Variants in JAG2 observed in about 807,000 individuals in gnomAD.
JAG2 encodes protein jagged-2.
Under a neutral mutation model 141.7 loss-of-function variants are expected in JAG2, and 46 were observed. The observed-to-expected ratio is 0.32, with a 90% CI of 0.26 to 0.42. JAG2 has a LOEUF of 0.42. Among genes scored for constraint, JAG2 ranks in the 10% least tolerant of loss-of-function variants. JAG2 has a pLI of 1.00. For synonymous variants in JAG2, 862 were observed against 763.5 expected (o/e 1.13, Z -2.13); for missense variants, 1,500 against 1,817.5 (o/e 0.83, Z 3.18).
Position 105,142,808 on chromosome 14 carries a change from T to C in JAG2, c.3604A>G (p.Thr1202Ala). Reference sequence around the variant, plus strand: ...CCCGGCGAGCGGCCAGGATCTTTGGTGAATTTGTGTGAGAGGAACTTCTCC... The same window carrying C: ...CCCGGCGAGCGGCCAGGATCTTTGGCGAATTTGTGTGAGAGGAACTTCTCC... Reference protein sequence around the residue: ...EAEKFLSHKFTKDPGRSPGRP... With the variant: ...EAEKFLSHKFAKDPGRSPGRP... Residue 1202 changes from threonine (T) to alanine (A), a missense_variant, in exon 26 of 26, where the codon ACC becomes GCC. By Grantham distance (58) the Thr-to-Ala change is moderately conservative (BLOSUM62 0). Transcript: ENST00000331782. 1 of 1,610,692 alleles carries C rather than the reference T, an allele frequency of 6.2e-7. No homozygotes were observed.
At position 105,145,758 on chromosome 14, in the gene JAG2, C is replaced by T; in HGVS notation, c.2925G>A (p.Leu975=). ...HLDNNCARLT[L]HFNRDHVPQG... is the part of the protein sequence containing the mutation. Reference sequence around the variant, plus strand: ...GGGGCACGTGGTCACGGTTGAAATGCAAGGTGAGGCGGGCACAGTTATTGT... The same window carrying T: ...GGGGCACGTGGTCACGGTTGAAATGTAAGGTGAGGCGGGCACAGTTATTGT... Residue 975 remains leucine, a synonymous_variant, in exon 23 of 26, where the codon TTG becomes TTA. Coordinates refer to ENST00000331782, the MANE Select transcript of JAG2 (RefSeq NM_002226.5). 6.3e-7 allele frequency: 1 copy of T among 1,597,024 alleles called. No individual in the cohort carries two copies. Among genetic ancestry groups the T allele is most frequent in the Non-Finnish European group, 8.5e-7 (1 of 1,172,434 alleles).
intron 5 of JAG2, among the ~76,000 whole-genome samples, chr14:105,153,438 C>T (rs1242943684): frequency 2.0e-5 from 3 of 152,232 alleles, no homozygotes; most frequent in Non-Finnish European, 4.4e-5. Flanking sequence ...GGGTCATCGG[C>T]CAGAGAGCGG....
At chr14:105,158,494 C>T (rs1368463568) in intron 2 of JAG2, among the ~76,000 whole-genome samples, 1 of 152,146 alleles carries the variant, frequency 6.6e-6, no homozygotes, top group African/African-American at 2.4e-5. Flanking sequence ...GGCCCTTGTA[C>T]CCCAGCCATG....
At position 105,147,824 on chromosome 14, in the gene JAG2, G is replaced by A; in HGVS notation, c.2313C>T (p.Ala771=). ...CGTCCCGGCAGATGCAGGAGAAGGAGGCCCCGCTGCCCACGCAGGTGCCAC... is the reference window on the plus strand; with the variant it reads ...CGTCCCGGCAGATGCAGGAGAAGGAAGCCCCGCTGCCCACGCAGGTGCCAC... ...VNGGTCVGSG[A]SFSCICRDGW... is the part of the protein sequence containing the mutation. The change falls in exon 18 of 26, where the codon GCC becomes GCT. Residue 771 remains alanine, a synonymous_variant. Transcript: ENST00000331782. 2 of 1,550,270 alleles carry A rather than the reference G, an allele frequency of 1.3e-6. No individual in the cohort carries two copies. The highest frequency in any genetic ancestry group is 1.7e-6 in the Non-Finnish European group (2 of 1,147,802).
At position 105,148,789 on chromosome 14, in the gene JAG2, C is replaced by T. The variant is rs747635489; in HGVS notation, c.1976G>A (p.Arg659His). The T allele has an allele frequency of 3.6e-5, 58 of 1,593,824 alleles. No homozygotes were observed. Among genetic ancestry groups the T allele is most frequent in the South Asian group, 1.9e-4 (17 of 88,120 alleles). Residue 659 changes from arginine (R) to histidine (H), a missense_variant, in exon 15 of 26, where the codon CGC (arginine) becomes CAC (histidine). Around this residue, in one of 3 missense-constraint regions of JAG2, gnomAD observed 875 missense variants for 1,202.2 expected, o/e 0.73. Coordinates refer to ENST00000331782, the MANE Select transcript of JAG2 (RefSeq NM_002226.5). Reference protein sequence around the residue: ...GTCIDEVDAFRCFCPSGWEGE... With the variant: ...GTCIDEVDAFHCFCPSGWEGE... The stretch of plus-strand genomic sequence containing the variant: ...CTCCCAGCCGCTGGGGCAGAAGCAG[C>T]GGAAGGCGTCCACCTCATCGATGCA...
intron 2 of JAG2, among the ~76,000 whole-genome samples, chr14:105,161,157 C>G (rs1414086372): frequency 1.1e-5 from 1 of 93,096 alleles, no homozygotes; most frequent in African/African-American, 4.4e-5. Context: ...TGTTGGGGGT[C>G]TGAGTGAGGT....
At position 105,154,498 on chromosome 14, in the gene JAG2, C is replaced by T. The variant is rs1888524006; in HGVS notation, c.788+1064G>A. Among the ~76,000 whole-genome samples the T allele has an allele frequency of 6.6e-6, 1 of 152,200 alleles. No individual in the cohort carries two copies. The highest frequency in any genetic ancestry group is 2.1e-4 in the South Asian group (1 of 4,836). On this transcript the variant is annotated intron_variant, in intron 5 of 25. Coordinates refer to ENST00000331782, the MANE Select transcript of JAG2 (RefSeq NM_002226.5). This position sits in a 1 kb window ranked among gnomAD's most constrained non-coding sequence, Gnocchi z 4.4. ...TCCACTCTAGGGCAAAGCTGCCAGCCCCCCTGGCTGGATCCCCCACACTCT... is the reference window on the plus strand; with the variant it reads ...TCCACTCTAGGGCAAAGCTGCCAGCTCCCCTGGCTGGATCCCCCACACTCT...
Position 105,168,401 on chromosome 14 carries a change from C to G in JAG2, c.20G>C (p.Gly7Ala). The change falls in exon 1 of 26, where the codon GGG becomes GCG. Residue 7 changes from glycine (G) to alanine (A), a missense_variant. By Grantham distance (60) the Gly-to-Ala change is moderately conservative (BLOSUM62 0). Around this residue, in one of 3 missense-constraint regions of JAG2, gnomAD observed 200 missense variants for 174.3 expected, o/e 1.15. Coordinates refer to ENST00000331782, the MANE Select transcript of JAG2 (RefSeq NM_002226.5). MRAQGR[G>A]RLPRRLLLLL... ...CAGCAGCAGCCGCCGGGGAAGGCGC[C>G]CCCGGCCCTGCGCCCGCATTGCCCC... The G allele has an allele frequency of 1.0e-6, 1 of 1,001,636 alleles. No homozygotes were observed. The highest frequency in any genetic ancestry group is 3.0e-5 in the South Asian group (1 of 33,076). The allele number at this position is 1,001,636 out of a possible 1,614,324, so 62.0% of individuals were successfully genotyped here.
intron 20 of JAG2, 136 bp downstream of exon 20, chr14:105,147,190 C>T (rs1240453779): frequency 2.7e-5 from 20 of 731,258 alleles, no homozygotes; most frequent in Non-Finnish European, 2.6e-5. Context: ...TGTGGGGAAA[C>T]TGAGGCTCAG....
Position 105,151,092 on chromosome 14 carries a change from C to T in JAG2, c.1280G>A (p.Cys427Tyr). The change falls in exon 10 of 26, where the codon TGT (cysteine) becomes TAT (tyrosine). Residue 427 changes from cysteine to tyrosine, a missense_variant. Physicochemically the swap from Cys to Tyr is radical, Grantham distance 194. This residue lies in a region of JAG2 where 875 missense variants were observed against 1,202.2 expected (regional missense o/e 0.73). Transcript: ENST00000331782. ...AGCGTTAAGGCATGGCTTCCCTTCA[C>T]ACTCATTGGCGTCTGTGAAAGAGAC... ...GATCQLDANE[C>Y]EGKPCLNAFS... is the part of the protein sequence containing the mutation. 6.2e-7 allele frequency: 1 copy of T among 1,611,306 alleles called. No individual in the cohort carries two copies. Among genetic ancestry groups the T allele is most frequent in the Non-Finnish European group, 8.5e-7 (1 of 1,179,130 alleles).
At chr14:105,157,088 C>T (rs995199044) in intron 3 of JAG2, among the ~76,000 whole-genome samples, 1 of 152,178 alleles carries the variant, frequency 6.6e-6, no homozygotes, top group Non-Finnish European at 1.5e-5. Flanking sequence ...CCCAGATTCA[C>T]GTGGCAGCTC....
intron 23 of JAG2, among the ~76,000 whole-genome samples, chr14:105,145,367 CAG>C (rs1325148837): frequency 3.9e-5 from 6 of 152,168 alleles, no homozygotes; most frequent in Non-Finnish European, 8.8e-5. Flanking sequence ...TCCTGGGAGA[CAG>C]GGGCCCAGCT....
rs749665743 is a variant in JAG2, at chr14:105,148,764, C to T, written c.2001G>A (p.Glu667=). ...ACTCACTGGTGTCGCAGAGCTCGCC[C>T]TCCCAGCCGCTGGGGCAGAAGCAGC... is the stretch of plus-strand genomic sequence containing the variant. The part of the protein sequence containing the change: ...AFRCFCPSGW[E]GELCDTNPND... The change falls in exon 15 of 26, where the codon GAG becomes GAA. Residue 667 remains glutamate, a synonymous_variant. Coordinates refer to ENST00000331782, the MANE Select transcript of JAG2 (RefSeq NM_002226.5). The T allele has an allele frequency of 1.9e-6, 3 of 1,578,564 alleles. No individual in the cohort carries two copies. Among genetic ancestry groups the T allele is most frequent in the East Asian group, 2.3e-5 (1 of 43,388 alleles).
At position 105,155,626 on chromosome 14, in the gene JAG2, C is replaced by T. The variant is rs201535678; in HGVS notation, c.728-4G>A. 4.1e-5 allele frequency: 66 copies of T among 1,612,768 alleles called. No homozygotes were observed. The East Asian group carries it at 1.0e-3, about 26-fold the overall frequency. On this transcript the variant is annotated splice_polypyrimidine_tract_variant and splice_region_variant and intron_variant, in intron 4 of 25. Transcript: ENST00000331782. ...TTACACCCTTGTTTACACACAGCTG[C>T]GAACAGAGAGGAGCGAGAGGCACAG...
Position 105,143,345 on chromosome 14 carries a change from T to TGGGCGGCTG in JAG2, c.3241+128_3241+136dup, listed in dbSNP as rs1246540464. The TGGGCGGCTG allele has an allele frequency of 4.6e-6, 6 of 1,293,346 alleles. No individual in the cohort carries two copies. In the African/African-American group the frequency reaches 8.8e-5, roughly 19 times the overall value. The allele number at this position is 1,293,346 out of a possible 1,614,324, so 80.1% of individuals were successfully genotyped here. On this transcript the variant is annotated intron_variant, in intron 25 of 25. Coordinates refer to ENST00000331782, the MANE Select transcript of JAG2 (RefSeq NM_002226.5). ...GGCTGGGAAGGTCAGGTTGTGGGGC[T>TGGGCGGCTG]GGGCGGCTGGGGCAGCAGGTGCCAG...
intron 1 of JAG2, 66 bp from the exon 2 acceptor site, chr14:105,168,173 G>T: frequency 7.3e-7 from 1 of 1,367,330 alleles, no homozygotes; most frequent in Non-Finnish European, 9.4e-7. Context: ...GGGCGCCAGG[G>T]GTGGGGGAAC....
In JAG2 at chr14:105,142,569, T is replaced by C. The variant is rs977044987; in HGVS notation, c.*126A>G. 10 of 672,212 alleles carry C rather than the reference T, an allele frequency of 1.5e-5. No individual in the cohort carries two copies. Among genetic ancestry groups the C allele is most frequent in the Non-Finnish European group, 2.5e-5 (10 of 399,354 alleles). 41.6% of individuals were successfully genotyped at this position (672,212 alleles called of 1,614,324 possible). ...AGAAACGTAGAAAATAAACATTTGG[T>C]TTTTGTTTTTGGTGGTTTTTTTACA... On this transcript the variant is annotated 3_prime_UTR_variant, in exon 26 of 26. Coordinates refer to ENST00000331782, the MANE Select transcript of JAG2 (RefSeq NM_002226.5).
intron 2 of JAG2, among the ~76,000 whole-genome samples, chr14:105,165,001 C>A (rs1193894807): frequency 6.6e-6 from 1 of 152,170 alleles, no homozygotes; most frequent in Non-Finnish European, 1.5e-5. Context: ...TCACGGGGAC[C>A]ATGCTCCAGC....
intron 2 of JAG2, among the ~76,000 whole-genome samples, chr14:105,162,307 G>A (rs757062100): frequency 1.4e-5 from 2 of 146,790 alleles, no homozygotes; most frequent in Non-Finnish European, 3.0e-5. Context: ...AAGCAGACCC[G>A]CAGCCCAACT....
Sources: gnomAD v4.1 joint callset for allele counts (sites outside exome capture counted in the v4.1 genomes callset) on GRCh38, gnomAD v4.1.1 for gene constraint, gnomAD v4.1.1 regional missense constraint, Gnocchi (gnomAD v3.1) non-coding constraint, MANE v1.5 for transcripts, NCBI Gene and HGNC (gene_info 2026-07-23, HGNC 2026-07-21) for gene names.